Variants in BMPER observed in about 807,000 individuals in gnomAD.
BMPER encodes BMP binding endothelial regulator, also known as BMP-binding endothelial regulator protein.
In BMPER, 45 loss-of-function variants were observed where a neutral mutation model predicts 87.3. The ratio of observed to expected loss-of-function variants is 0.52; its 90% confidence interval spans 0.41 to 0.66. The LOEUF (loss-of-function observed/expected upper bound fraction) is 0.66. Among genes scored for constraint, BMPER ranks in the 30% least tolerant of loss-of-function variants. The pLI is 0.00. For missense variants in BMPER, 784 were observed against 867.5 expected, an observed-to-expected ratio of 0.90 and a Z score of 1.21; for synonymous variants, 326 against 316.2, an observed-to-expected ratio of 1.03 and a Z score of -0.33.
chr7:33,967,866 C>T (rs1390503790), intron 4 of BMPER, among the ~76,000 whole-genome samples: 1 of 152,172 alleles, frequency 6.6e-6, no homozygotes, highest in African/African-American at 2.4e-5. Flanking sequence ...TCCTATGTAA[C>T]AGTCAGAGGT....
intron 13 of BMPER, among the ~76,000 whole-genome samples, chr7:34,140,562 G>A (rs1287809745): frequency 6.6e-6 from 1 of 152,168 alleles, no homozygotes; most frequent in East Asian, 1.9e-4. Context: ...TTGTGTCTGT[G>A]GAGACAGAGG....
chr7:33,999,655 G>C (rs144783099), intron 6 of BMPER, among the ~76,000 whole-genome samples: 4 of 152,212 alleles, frequency 2.6e-5, no homozygotes, highest in African/African-American at 9.6e-5. Flanking sequence ...CTAGATAAGA[G>C]GGTATCCAGC....
At chr7:33,985,060 C>T (rs1785965917) in intron 6 of BMPER, among the ~76,000 whole-genome samples, 1 of 152,194 alleles carries the variant, frequency 6.6e-6, no homozygotes, top group South Asian at 2.1e-4. Context: ...GAGGAATTCA[C>T]TTTTCCTTTT....
Position 34,078,966 on chromosome 7 carries a change from C to T in BMPER, c.1188C>T (p.Ser396=), listed in dbSNP as rs2127973854. ...CQYVLTKDCS[S]PASPFQVLVK... is the part of the protein sequence containing the mutation. ...ACGTTTTGACAAAAGACTGCTCCTCCCCTGCCTCGCCCTTCCAGGTGCTGG... is the reference window on the plus strand; with the variant it reads ...ACGTTTTGACAAAAGACTGCTCCTCTCCTGCCTCGCCCTTCCAGGTGCTGG... Residue 396 remains serine, a synonymous_variant, in exon 12 of 15, where the codon TCC becomes TCT. Transcript: ENST00000649409. 6.2e-7 allele frequency: 1 copy of T among 1,614,220 alleles called. No homozygotes were observed. Among genetic ancestry groups the T allele is most frequent in the Non-Finnish European group, 8.5e-7 (1 of 1,180,050 alleles).
chr7:34,057,255 A>G (rs1296657249), intron 9 of BMPER, among the ~76,000 whole-genome samples: 2 of 152,124 alleles, frequency 1.3e-5, no homozygotes, highest in African/African-American at 4.8e-5. Context: ...GATCTTTTTT[A>G]CCCACAAGCA....
intron 13 of BMPER, among the ~76,000 whole-genome samples, chr7:34,132,453 A>G (rs578097898): frequency 1.3e-5 from 2 of 152,078 alleles, no homozygotes; most frequent in Non-Finnish European, 2.9e-5. Context: ...CCACGCCCCA[A>G]AGGCCTCCGG....
chr7:34,129,465 A>G (rs544411891), intron 13 of BMPER, among the ~76,000 whole-genome samples: 3 of 151,094 alleles, frequency 2.0e-5, no homozygotes, highest in East Asian at 3.9e-4. Context: ...TGTGCCACTG[A>G]CTCCAGAGGT....
At chr7:33,970,499 G>A in intron 5 of BMPER, 80 bp downstream of exon 5, 1 of 1,448,014 alleles carries the variant, frequency 6.9e-7, no homozygotes, top group Non-Finnish European at 9.7e-7. Context: ...CCCTCTTGTT[G>A]GAAATTTTCC....
chr7:34,014,245 C>T (rs1786961776), intron 6 of BMPER, among the ~76,000 whole-genome samples: 1 of 151,802 alleles, frequency 6.6e-6, no homozygotes, highest in African/African-American at 2.4e-5. Context: ...ATGGGAAAGG[C>T]AAGTAGAGGA....
chr7:34,101,558 T>C (rs1789683046), intron 13 of BMPER, among the ~76,000 whole-genome samples: 2 of 152,228 alleles, frequency 1.3e-5, no homozygotes, highest in South Asian at 4.1e-4. Context: ...TGTGTCTGCT[T>C]TGTCCTTGGT....
Position 33,966,574 on chromosome 7 carries a change from T to A in BMPER, c.402+13T>A, listed in dbSNP as rs1785411566. ...ACGCCAGTGCCAGGTAAAGTTCAAT[T>A]ATTTCTCTCTCCAGTAAAAAGGAAT... On this transcript the variant is annotated intron_variant, in intron 4 of 14. Coordinates refer to ENST00000649409, the MANE Select transcript of BMPER (RefSeq NM_001365308.1). The A allele has an allele frequency of 6.2e-7, 1 of 1,611,070 alleles. No homozygotes were observed. The highest frequency in any genetic ancestry group is 1.1e-5 in the South Asian group (1 of 91,002).
intron 2 of BMPER, among the ~76,000 whole-genome samples, chr7:33,933,990 G>A (rs1784542033): frequency 6.6e-6 from 1 of 152,212 alleles, no homozygotes; most frequent in Admixed American, 6.5e-5. Flanking sequence ...CAGAGAATGA[G>A]TTCAGTAAGT....
intron 13 of BMPER, among the ~76,000 whole-genome samples, chr7:34,113,470 A>ATTTATTTTAT (rs5883451): frequency 4.7e-5 from 7 of 149,714 alleles, no homozygotes; most frequent in East Asian, 3.9e-4. Context: ...TTACAGTTTC[A>ATTTATTTTAT]TTTATTTTAT....
At chr7:34,057,859 T>C (rs994846798) in intron 9 of BMPER, among the ~76,000 whole-genome samples, 200 bp from the exon 10 acceptor site, 1 of 139,040 alleles carries the variant, frequency 7.2e-6, no homozygotes, top group African/African-American at 2.7e-5. Context: ...CACACACACA[T>C]GCTTGCACAC....
chr7:33,926,549 A>G (rs1208927055), intron 2 of BMPER, among the ~76,000 whole-genome samples: 1 of 152,186 alleles, frequency 6.6e-6, no homozygotes, highest in African/African-American at 2.4e-5. Flanking sequence ...TTATTTGCAA[A>G]TCTGGCTTTC....
chr7:34,062,779 T>C (rs34372750), intron 11 of BMPER, among the ~76,000 whole-genome samples: 41,239 of 152,090 alleles, frequency 0.27, 5,745 homozygotes, highest in African/African-American at 0.31. Flanking sequence ...GCAATTGTAA[T>C]ACATGGTATT....
chr7:33,920,420 GTTTT>G (rs58577259), intron 2 of BMPER, among the ~76,000 whole-genome samples: 6 of 86,396 alleles, frequency 6.9e-5, no homozygotes, highest in Admixed American at 1.7e-4. Context: ...ACTCCGTTGT[GTTTT>G]TTTTTTTTTT....
At chr7:33,991,982 T>C (rs1786234178) in intron 6 of BMPER, among the ~76,000 whole-genome samples, 1 of 145,982 alleles carries the variant, frequency 6.9e-6, no homozygotes. Flanking sequence ...GTCTGAGAGA[T>C]AGTTTGTTAT....
chr7:34,042,399 T>C (rs1290713011), intron 6 of BMPER, among the ~76,000 whole-genome samples: 1 of 152,244 alleles, frequency 6.6e-6, no homozygotes, highest in Non-Finnish European at 1.5e-5. Context: ...TTTGTCCTTA[T>C]GTATTTTAAC....
Sources: allele counts gnomAD v4.1 joint callset (sites outside exome capture counted in the v4.1 genomes callset), GRCh38; gene constraint gnomAD v4.1.1; transcripts MANE v1.5; gene names NCBI Gene and HGNC (gene_info 2026-07-23, HGNC 2026-07-21).